ARHGAP6: variants seen among roughly 807,000 people sequenced by gnomAD.
ARHGAP6 encodes Rho GTPase activating protein 6, also known as rho GTPase-activating protein 6.
Under a neutral mutation model 55.7 loss-of-function variants are expected in ARHGAP6, and 16 were observed. That is an observed-to-expected ratio of 0.29 (90% CI 0.19 to 0.44). The LOEUF is 0.44. ARHGAP6 is among the 20% of genes least tolerant of loss of function. The pLI is 1.00. For missense variants in ARHGAP6, 698 were observed against 808.9 expected (o/e 0.86, Z 1.66); for synonymous variants, 382 against 360.9 (o/e 1.06, Z -0.66).
intron 1 of ARHGAP6, among the ~76,000 whole-genome samples, chrX:11,615,431 G>T (rs1025808463): frequency 5.4e-5 from 6 of 111,772 alleles, no homozygotes; most frequent in African/African-American, 1.3e-4. Context: ...TTCAATAATT[G>T]TTGGGTCAAA....
intron 1 of ARHGAP6, among the ~76,000 whole-genome samples, chrX:11,402,324 G>T (rs1253441643): frequency 9.0e-6 from 1 of 111,319 alleles, no homozygotes; most frequent in African/African-American, 3.3e-5. Context: ...ACCCATTTTG[G>T]TTCCACCTTC....
intron 6 of ARHGAP6, among the ~76,000 whole-genome samples, chrX:11,179,772 AT>A (rs910540078): frequency 9.3e-4 from 97 of 104,497 alleles, no homozygotes; most frequent in African/African-American, 3.3e-3. Flanking sequence ...ATACATATAT[AT>A]ATATATATAT....
At chrX:11,653,256 T>C (rs1484331047) in intron 1 of ARHGAP6, among the ~76,000 whole-genome samples, 6 of 112,546 alleles carry the variant, frequency 5.3e-5, no homozygotes, top group Non-Finnish European at 9.4e-5. Context: ...CCTTGGCCTA[T>C]TGGCATGTCT....
At chrX:11,504,456 TCTTG>T (rs1184309404) in intron 1 of ARHGAP6, among the ~76,000 whole-genome samples, 1 of 111,532 alleles carries the variant, frequency 9.0e-6, no homozygotes, top group Non-Finnish European at 1.9e-5. Context: ...TGTCTCCAGA[TCTTG>T]CCAAATGCCC....
chrX:11,618,299 C>T (rs774507315), intron 1 of ARHGAP6, among the ~76,000 whole-genome samples: 2 of 112,085 alleles, frequency 1.8e-5, no homozygotes, highest in Admixed American at 9.5e-5. Flanking sequence ...TGTGCTGTTC[C>T]AAGCCACTAA....
chrX:11,177,072 TTAAG>T (rs770026657), intron 8 of ARHGAP6, among the ~76,000 whole-genome samples: 3 of 111,796 alleles, frequency 2.7e-5, no homozygotes, highest in East Asian at 5.7e-4. Context: ...GTTTCTGTGG[TTAAG>T]TAAGTTTGGA....
intron 1 of ARHGAP6, among the ~76,000 whole-genome samples, chrX:11,339,353 A>G (rs1292186706): frequency 9.0e-6 from 1 of 110,892 alleles, no homozygotes; most frequent in Non-Finnish European, 1.9e-5. Context: ...ATGCGCAGGG[A>G]AGCCTTTCCT....
chrX:11,500,424 G>T (rs1347316301), intron 1 of ARHGAP6, among the ~76,000 whole-genome samples: 4 of 110,886 alleles, frequency 3.6e-5, no homozygotes, highest in African/African-American at 1.3e-4. Flanking sequence ...ACTTTGTGAG[G>T]CCGAGGTGGG....
chrX:11,631,307 C>A (rs1489574480), intron 1 of ARHGAP6, among the ~76,000 whole-genome samples: 1 of 110,640 alleles, frequency 9.0e-6, no homozygotes, highest in Non-Finnish European at 1.9e-5. Context: ...GGTGGATCAC[C>A]TGAGGTCTGG....
intron 1 of ARHGAP6, among the ~76,000 whole-genome samples, chrX:11,614,071 C>A (rs955667834): frequency 2.7e-5 from 3 of 110,798 alleles, no homozygotes; most frequent in Non-Finnish European, 5.7e-5. Flanking sequence ...CTCTATATGG[C>A]AAATTCAGTA....
At chrX:11,542,921 T>C (rs1391425720) in intron 1 of ARHGAP6, among the ~76,000 whole-genome samples, 3 of 110,914 alleles carry the variant, frequency 2.7e-5, no homozygotes, top group African/African-American at 6.6e-5. Flanking sequence ...CAAACCAAAA[T>C]ATCAGCTAGC....
At chrX:11,476,489 A>G (rs1460191089) in intron 1 of ARHGAP6, among the ~76,000 whole-genome samples, 2 of 112,039 alleles carry the variant, frequency 1.8e-5, no homozygotes, top group Non-Finnish European at 3.8e-5. Context: ...TTGAAATACC[A>G]AGAACCCAGA....
In ARHGAP6 at chrX:11,315,788, C is replaced by G. The variant is rs752014991; in HGVS notation, c.589-61081G>C. On this transcript the variant is annotated intron_variant, in intron 1 of 12. Transcript: ENST00000337414. ...CATAATGTTGGAATTCACCATGGCT[C>G]TGTTCTTGAATCTCCTTTATTTTTC... Among the ~76,000 whole-genome samples the G allele has an allele frequency of 3.6e-5, 4 of 112,285 alleles. No homozygotes were observed. In the South Asian group the frequency reaches 1.5e-3, roughly 42 times the overall value.
intron 1 of ARHGAP6, among the ~76,000 whole-genome samples, chrX:11,459,271 A>AT (rs1263137313): frequency 8.9e-6 from 1 of 111,776 alleles, no homozygotes; most frequent in Non-Finnish European, 1.9e-5. Context: ...TCTTCGAGAT[A>AT]TGACTATCTT....
chrX:11,477,020 A>C (rs2050409323), intron 1 of ARHGAP6, among the ~76,000 whole-genome samples: 1 of 110,821 alleles, frequency 9.0e-6, no homozygotes, highest in African/African-American at 3.3e-5. Flanking sequence ...ATATCATTAA[A>C]AAATGAAAAG....
rs770097827 is a variant in ARHGAP6 at position 11,357,413 on chromosome X, C to CT, written c.589-102707dup. On this transcript the variant is annotated intron_variant, in intron 1 of 12. Coordinates refer to ENST00000337414, the MANE Select transcript of ARHGAP6 (RefSeq NM_013427.3). The stretch of plus-strand genomic sequence containing the variant: ...GGTCCTGATTCATGGAGATTCCTGG[C>CT]TTTTTTCCCACTCAGTTGATGGAAA... 1.1e-4 allele frequency among the ~76,000 whole-genome samples: 12 copies of CT among 111,445 alleles called. No homozygotes were observed. In the South Asian group the frequency reaches 3.1e-3, roughly 28 times the overall value.
intron 9 of ARHGAP6, among the ~76,000 whole-genome samples, chrX:11,164,508 A>C (rs2045990799): frequency 8.9e-6 from 1 of 112,360 alleles, no homozygotes; most frequent in Non-Finnish European, 1.9e-5. Flanking sequence ...AGTGGCTTTA[A>C]GAAAATGCGA....
intron 1 of ARHGAP6, among the ~76,000 whole-genome samples, chrX:11,422,229 C>T (rs1427528151): frequency 1.8e-5 from 2 of 110,011 alleles, no homozygotes; most frequent in Non-Finnish European, 3.8e-5. Context: ...TCAGGAAAGG[C>T]GACATTTTTC....
At chrX:11,155,825 T>C (rs1197927384) in intron 10 of ARHGAP6, among the ~76,000 whole-genome samples, 1 of 112,301 alleles carries the variant, frequency 8.9e-6, no homozygotes, top group Non-Finnish European at 1.9e-5. Context: ...TTATGCCAAA[T>C]GCTCAGCATC....
Sources: gnomAD v4.1 joint callset for allele counts (sites outside exome capture counted in the v4.1 genomes callset) on GRCh38, gnomAD v4.1.1 for gene constraint, MANE v1.5 for transcripts, NCBI Gene and HGNC (gene_info 2026-07-23, HGNC 2026-07-21) for gene names.